The following OXCT1 variants were observed in gnomAD, a reference collection of about 807,000 sequenced individuals.
OXCT1 encodes 3-oxoacid CoA-transferase 1.
In OXCT1, 27 loss-of-function variants were observed where a neutral mutation model predicts 69.6. The observed-to-expected ratio is 0.39, with a 90% CI of 0.29 to 0.54. OXCT1 has a LOEUF of 0.54. Among genes scored for constraint, OXCT1 ranks in the 20% least tolerant of loss-of-function variants. The pLI is 0.72. For synonymous variants in OXCT1, 202 were observed against 217.8 expected (o/e 0.93, Z 0.64); for missense variants, 437 against 650.2 (o/e 0.67, Z 3.57).
chr5:41,853,479 T>C lies in OXCT1; in HGVS notation c.354A>G (p.Glu118=). ...AGTACTGTCGTTCAAATTCTGCATT[T>C]TCTCCCACATATGAAGAGACCATGC... ...IKRMVSSYVG[E]NAEFERQYLS... The change falls in exon 4 of 17, where the codon GAA becomes GAG. Residue 118 remains glutamate (E), a synonymous_variant. Transcript: ENST00000196371. The C allele has an allele frequency of 6.2e-7, 1 of 1,613,920 alleles. No individual in the cohort carries two copies. Among genetic ancestry groups the C allele is most frequent in the Middle Eastern group, 1.6e-4 (1 of 6,062 alleles).
At chr5:41,838,728 C>T (rs1041006734) in intron 7 of OXCT1, among the ~76,000 whole-genome samples, 1 of 151,784 alleles carries the variant, frequency 6.6e-6, no homozygotes, top group Non-Finnish European at 1.5e-5. Context: ...TGGACTCAGG[C>T]GATCCTCAGA....
Position 41,846,345 on chromosome 5 carries a change from T to C in OXCT1, c.565-3564A>G, listed in dbSNP as rs1033020403. Among the ~76,000 whole-genome samples the C allele has an allele frequency of 5.7e-5, 8 of 140,486 alleles. No individual in the cohort carries two copies. In the East Asian group the frequency reaches 1.5e-3, roughly 27 times the overall value. 92.2% of individuals were successfully genotyped at this position (140,486 alleles called of 152,430 possible). ...CCCTTCCTGTGTCCATGTGTTCTCA[T>C]TGTTCAATTCCCACCTATGAGTGAG... On this transcript the variant is annotated intron_variant, in intron 5 of 16. Coordinates refer to ENST00000196371, the MANE Select transcript of OXCT1 (RefSeq NM_000436.4).
At chr5:41,820,360 C>T (rs1288772045) in intron 7 of OXCT1, among the ~76,000 whole-genome samples, 1 of 152,092 alleles carries the variant, frequency 6.6e-6, no homozygotes, top group Non-Finnish European at 1.5e-5. Flanking sequence ...TTTCGCAATA[C>T]TTTCCAAAAC....
intron 7 of OXCT1, among the ~76,000 whole-genome samples, chr5:41,809,149 C>T (rs891305517): frequency 9.2e-5 from 14 of 151,886 alleles, no homozygotes; most frequent in African/African-American, 3.4e-4. Context: ...TATAGAAATG[C>T]ACTTTGGGAT....
intron 9 of OXCT1, among the ~76,000 whole-genome samples, chr5:41,805,170 T>G (rs1381789270): frequency 6.6e-6 from 1 of 152,018 alleles, no homozygotes; most frequent in Admixed American, 6.6e-5. Flanking sequence ...AGTTGGATCT[T>G]TCAATGAGTA....
At chr5:41,840,737 T>C (rs1346301779) in intron 6 of OXCT1, among the ~76,000 whole-genome samples, 2 of 152,126 alleles carry the variant, frequency 1.3e-5, no homozygotes, top group Non-Finnish European at 2.9e-5. Context: ...TTGAACAGGA[T>C]TGAGGGAAAG....
chr5:41,746,490 GTATT>G (rs1416833570), intron 15 of OXCT1, among the ~76,000 whole-genome samples: 3 of 152,028 alleles, frequency 2.0e-5, no homozygotes, highest in African/African-American at 7.2e-5. Context: ...CATTCAACAA[GTATT>G]TATTGAGCAC....
At chr5:41,758,520 A>C (rs1744193505) in intron 14 of OXCT1, among the ~76,000 whole-genome samples, 1 of 151,592 alleles carries the variant, frequency 6.6e-6, no homozygotes, top group South Asian at 2.1e-4. Flanking sequence ...AGGAATGGGG[A>C]ATCTATCTAT....
At chr5:41,803,893 G>T (rs1246910516) in intron 9 of OXCT1, among the ~76,000 whole-genome samples, 1 of 152,028 alleles carries the variant, frequency 6.6e-6, no homozygotes, top group Non-Finnish European at 1.5e-5. Context: ...AACATAGGCA[G>T]GCTGATCAGA....
At chr5:41,847,957 G>GCC (rs1749002807) in intron 5 of OXCT1, among the ~76,000 whole-genome samples, 1 of 150,638 alleles carries the variant, frequency 6.6e-6, no homozygotes, top group Non-Finnish European at 1.5e-5. Flanking sequence ...AGGAAATCAA[G>GCC]GGTATTCAAT....
At chr5:41,823,508 C>T (rs1013587868) in intron 7 of OXCT1, among the ~76,000 whole-genome samples, 7 of 152,206 alleles carry the variant, frequency 4.6e-5, no homozygotes, top group African/African-American at 1.4e-4. Flanking sequence ...TGCTACTAGG[C>T]TTCTGCTCCA....
intron 7 of OXCT1, among the ~76,000 whole-genome samples, chr5:41,811,082 A>G (rs566490338): frequency 0.024 from 2,341 of 96,448 alleles, 97 homozygotes; most frequent in South Asian, 0.12. Context: ...AAAGAGAGGG[A>G]AAAAAAAAAA....
intron 5 of OXCT1, among the ~76,000 whole-genome samples, chr5:41,846,054 C>T (rs2112424813): frequency 6.6e-6 from 1 of 152,168 alleles, no homozygotes; most frequent in South Asian, 2.1e-4. Context: ...TGCATTCCCT[C>T]CCTAATTGCA....
At chr5:41,764,106 T>C (rs1404152423) in intron 13 of OXCT1, among the ~76,000 whole-genome samples, 1 of 152,194 alleles carries the variant, frequency 6.6e-6, no homozygotes, top group Non-Finnish European at 1.5e-5. Flanking sequence ...GCTGGCTTGA[T>C]GTCTCATTTC....
chr5:41,820,156 G>C (rs1339134730), intron 7 of OXCT1, among the ~76,000 whole-genome samples: 3 of 151,906 alleles, frequency 2.0e-5, no homozygotes, highest in Admixed American at 6.6e-5. Flanking sequence ...AAAAGAAATA[G>C]AGTCAATAAA....
intron 7 of OXCT1, among the ~76,000 whole-genome samples, chr5:41,823,842 A>G (rs1314985617): frequency 6.6e-6 from 1 of 152,198 alleles, no homozygotes; most frequent in Admixed American, 6.5e-5. Flanking sequence ...GTCTTCCTAA[A>G]TGTGAAGGTT....
At chr5:41,772,214 G>C (rs1354493861) in intron 13 of OXCT1, among the ~76,000 whole-genome samples, 1 of 152,106 alleles carries the variant, frequency 6.6e-6, no homozygotes, top group Non-Finnish European at 1.5e-5. Flanking sequence ...GTTGGTTGGG[G>C]AGAAGGGGGA....
At chr5:41,795,962 G>A (rs548665943) in intron 11 of OXCT1, among the ~76,000 whole-genome samples, 2 of 152,144 alleles carry the variant, frequency 1.3e-5, no homozygotes, top group South Asian at 2.1e-4. Flanking sequence ...CTGAACTCTC[G>A]ACTTTTCATC....
In OXCT1 at chr5:41,810,614, T is replaced by C. The variant is rs1746929708; in HGVS notation, c.733-3176A>G. ...GTTGTTATTGATCTGAACTTTGTTTTAAAAGATTGCTTTCTCTGCACTGCA... is the reference window on the plus strand; with the variant it reads ...GTTGTTATTGATCTGAACTTTGTTTCAAAAGATTGCTTTCTCTGCACTGCA... On this transcript the variant is annotated intron_variant, in intron 7 of 16. Coordinates refer to ENST00000196371, the MANE Select transcript of OXCT1 (RefSeq NM_000436.4). Among the ~76,000 whole-genome samples, 4 of 152,048 alleles carry C rather than the reference T, an allele frequency of 2.6e-5. No homozygotes were observed. The South Asian group carries it at 8.3e-4, about 31-fold the overall frequency.
Sources: allele counts gnomAD v4.1 joint callset (sites outside exome capture counted in the v4.1 genomes callset), GRCh38; gene constraint gnomAD v4.1.1; transcripts MANE v1.5; gene names NCBI Gene and HGNC (gene_info 2026-07-23, HGNC 2026-07-21).